Variants in ACTR3B observed in about 807,000 individuals in gnomAD.
ACTR3B encodes the protein actin related protein 3B.
In ACTR3B, 8 loss-of-function variants were observed where a neutral mutation model predicts 59.0. That is an observed-to-expected ratio of 0.14 (90% CI 0.08 to 0.24). The LOEUF is 0.24. Among genes scored for constraint, ACTR3B ranks in the 10% least tolerant of loss-of-function variants. ACTR3B has a pLI of 1.00. For synonymous variants in ACTR3B, 148 were observed against 197.9 expected (o/e 0.75, Z 2.12); for missense variants, 245 against 552.3 (o/e 0.44, Z 5.58).
chr7:152,812,676 T>C (rs1257154430), intron 4 of ACTR3B: 1 of 147,284 alleles, frequency 6.8e-6, no homozygotes, highest in South Asian at 2.3e-4. Context: ...TTTTGTAACA[T>C]ACTTGATTGA....
At chr7:152,844,840 T>A (rs1408489912) in intron 9 of ACTR3B, among the ~76,000 whole-genome samples, 1 of 144,098 alleles carries the variant, frequency 6.9e-6, no homozygotes, top group East Asian at 2.1e-4. Context: ...TTAATGTGAG[T>A]CTGATTGTAT....
intron 9 of ACTR3B, among the ~76,000 whole-genome samples, chr7:152,837,789 A>G (rs188813679): frequency 0.015 from 2,223 of 150,742 alleles, 14 homozygotes; most frequent in African/African-American, 0.035. Context: ...AGAGGCTTCA[A>G]ACCGACTTTG....
chr7:152,789,064 A>AACAACAACAACAAACAGCAAC (rs374527960), intron 2 of ACTR3B, among the ~76,000 whole-genome samples: 1 of 137,848 alleles, frequency 7.3e-6, no homozygotes, highest in Admixed American at 7.0e-5. Flanking sequence ...CAGCAACAAC[A>AACAACAACAACAAACAGCAAC]AACAACAACA....
At chr7:152,780,151 G>A (rs2098147160) in intron 1 of ACTR3B, among the ~76,000 whole-genome samples, 1 of 152,120 alleles carries the variant, frequency 6.6e-6, no homozygotes, top group Non-Finnish European at 1.5e-5. Context: ...AGGAGTTTGA[G>A]ACCAGCTTGG....
At chr7:152,777,016 G>C (rs10272412) in intron 1 of ACTR3B, among the ~76,000 whole-genome samples, 22 of 152,144 alleles carry the variant, frequency 1.4e-4, no homozygotes, top group African/African-American at 5.1e-4. Flanking sequence ...GTGCTTCACC[G>C]AACATTTTTG....
chr7:152,788,966 G>A lies in ACTR3B; in HGVS notation c.100+5724G>A, dbSNP rs545206953. Among the ~76,000 whole-genome samples, 21 of 152,324 alleles carry A rather than the reference G, an allele frequency of 1.4e-4. No individual in the cohort carries two copies. In the East Asian group the frequency reaches 3.5e-3, roughly 25 times the overall value. Reference sequence around the variant, plus strand: ...TGAACCTGGGAGTCGAGGTTGCAGTGAGCTGAGATTGCGTCACCGCACTCC... The same window carrying A: ...TGAACCTGGGAGTCGAGGTTGCAGTAAGCTGAGATTGCGTCACCGCACTCC... On this transcript the variant is annotated intron_variant, in intron 2 of 11. Coordinates refer to ENST00000256001, the MANE Select transcript of ACTR3B (RefSeq NM_020445.6).
At chr7:152,765,113 T>C (rs1286215853) in intron 1 of ACTR3B, among the ~76,000 whole-genome samples, 2 of 94,958 alleles carry the variant, frequency 2.1e-5, no homozygotes, top group South Asian at 3.3e-4. Flanking sequence ...CTGGCCCTTT[T>C]TTTTTTTTTT....
chr7:152,777,862 A>G (rs1171321689), intron 1 of ACTR3B, among the ~76,000 whole-genome samples: 3 of 151,900 alleles, frequency 2.0e-5, no homozygotes, highest in African/African-American at 7.3e-5. Context: ...AGGCAGAAGA[A>G]TCGCTCAAAC....
chr7:152,764,297 G>A (rs970741037), intron 1 of ACTR3B, among the ~76,000 whole-genome samples: 8 of 152,116 alleles, frequency 5.3e-5, no homozygotes, highest in Admixed American at 5.2e-4. Flanking sequence ...GTGAGGCACT[G>A]CACCTGGCCT....
intron 1 of ACTR3B, among the ~76,000 whole-genome samples, chr7:152,762,624 A>C (rs1306215312): frequency 2.6e-5 from 4 of 152,334 alleles, no homozygotes; most frequent in Non-Finnish European, 5.9e-5. Flanking sequence ...AAAATTTAAC[A>C]TACATACAGT....
intron 2 of ACTR3B, among the ~76,000 whole-genome samples, chr7:152,790,785 A>G (rs2098192990): frequency 6.6e-6 from 1 of 152,150 alleles, no homozygotes; most frequent in Non-Finnish European, 1.5e-5. Context: ...TACTGGATTA[A>G]AAAATTACTA....
intron 9 of ACTR3B, among the ~76,000 whole-genome samples, chr7:152,825,967 T>C (rs1796538363): frequency 6.6e-6 from 1 of 152,206 alleles, no homozygotes; most frequent in African/African-American, 2.4e-5. Context: ...CAGCCCGAGA[T>C]GGTGAGCAGG....
rs914697668 is a variant in ACTR3B at position 152,807,972 on chromosome 7, G to T, written c.336+6241G>T. On this transcript the variant is annotated intron_variant, in intron 4 of 11. Coordinates refer to ENST00000256001, the MANE Select transcript of ACTR3B (RefSeq NM_020445.6). ...CATTCACAAACCATTGCCACCGTCTGTCTCCAGAAGCCTTTTCATCTTCCC... is the reference window on the plus strand; with the variant it reads ...CATTCACAAACCATTGCCACCGTCTTTCTCCAGAAGCCTTTTCATCTTCCC... Among the ~76,000 whole-genome samples the T allele has an allele frequency of 4.8e-4, 73 of 152,284 alleles. 1 individual carries two copies. Among genetic ancestry groups the T allele is most frequent in the African/African-American group, 1.6e-3 (68 of 41,560 alleles).
intron 2 of ACTR3B, among the ~76,000 whole-genome samples, chr7:152,795,005 C>T (rs2098211063): frequency 6.7e-6 from 1 of 150,266 alleles, no homozygotes; most frequent in African/African-American, 2.4e-5. Flanking sequence ...CTCAAGATGC[C>T]CTTCTGAGAA....
At chr7:152,799,313 T>C (rs981448817) in intron 2 of ACTR3B, among the ~76,000 whole-genome samples, 1 of 152,252 alleles carries the variant, frequency 6.6e-6, no homozygotes, top group Non-Finnish European at 1.5e-5. Flanking sequence ...TTCTCTAATG[T>C]CTGTTCTGAT....
rs546345794 is a variant in ACTR3B, at chr7:152,848,876, C to G, written c.952-3250C>G. Among the ~76,000 whole-genome samples, 17 of 152,292 alleles carry G rather than the reference C, an allele frequency of 1.1e-4. No individual in the cohort carries two copies. The East Asian group carries it at 3.3e-3, about 29-fold the overall frequency. ...GTGGTTGATGGTCCCTAGACTCTGACAGGAGCCAGGCGCTCTCAGGTTGGT... is the reference window on the plus strand; with the variant it reads ...GTGGTTGATGGTCCCTAGACTCTGAGAGGAGCCAGGCGCTCTCAGGTTGGT... On this transcript the variant is annotated intron_variant, in intron 9 of 11. Transcript: ENST00000256001.
intron 4 of ACTR3B, among the ~76,000 whole-genome samples, chr7:152,803,299 T>C (rs11762625): frequency 0.53 from 80,575 of 152,052 alleles, 23,266 homozygotes; most frequent in East Asian, 0.72. Context: ...CCTCCCACTT[T>C]AGCCTCCCAA....
chr7:152,780,915 A>G (rs897551766), intron 1 of ACTR3B, among the ~76,000 whole-genome samples: 6 of 147,916 alleles, frequency 4.1e-5, no homozygotes, highest in Non-Finnish European at 5.9e-5. Flanking sequence ...GGGCAGTCAT[A>G]GTTCACTGCA....
Position 152,759,809 on chromosome 7 carries a change from TAGCGGGCGGCGG to T in ACTR3B, c.-68_-57del, listed in dbSNP as rs1388773407. ...TCGCGGGAGACGCTGCGCGCGGGGCTAGCGGGCGGCGGAGCGGACGGCGACGGGGCGCTCTCG... is the reference window on the plus strand; with the variant it reads ...TCGCGGGAGACGCTGCGCGCGGGGCTAGCGGACGGCGACGGGGCGCTCTCG... On this transcript the variant is annotated 5_prime_UTR_variant, in exon 1 of 12. Coordinates refer to ENST00000256001, the MANE Select transcript of ACTR3B (RefSeq NM_020445.6). 2.7e-6 allele frequency: 3 copies of T among 1,124,012 alleles called. No individual in the cohort carries two copies. The Admixed American group carries it at 1.4e-4, about 53-fold the overall frequency. 69.6% of individuals were successfully genotyped at this position (1,124,012 alleles called of 1,614,324 possible). A position where few individuals can be genotyped will look rare whatever the true frequency, so the allele number is the denominator to read the frequency against.
Sources: allele counts gnomAD v4.1 joint callset (sites outside exome capture counted in the v4.1 genomes callset), GRCh38; gene constraint gnomAD v4.1.1; transcripts MANE v1.5; gene names NCBI Gene and HGNC (gene_info 2026-07-23, HGNC 2026-07-21).